The following GRIP1 variants were observed in gnomAD, a reference collection of about 807,000 sequenced individuals.
The protein encoded by GRIP1 is glutamate receptor-interacting protein 1.
A neutral mutation model predicts 129.9 loss-of-function variants in GRIP1; 45 were observed. The ratio of observed to expected loss-of-function variants is 0.35; its 90% CI spans 0.27 to 0.44. The LOEUF is 0.44. GRIP1 is among the 20% of genes least tolerant of loss of function. GRIP1 has a pLI of 1.00. For synonymous variants in GRIP1, 530 were observed against 520.8 expected, an observed-to-expected ratio of 1.02 and a Z score of -0.24; for missense variants, 1,196 against 1,396.8, an observed-to-expected ratio of 0.86 and a Z score of 2.29.
chr12:66,434,950 C>A (rs1380276666), intron 13 of GRIP1, among the ~76,000 whole-genome samples: 1 of 152,194 alleles, frequency 6.6e-6, no homozygotes, highest in Non-Finnish European at 1.5e-5. Flanking sequence ...GATTGCGCTT[C>A]CAGTGAATGC....
intron 19 of GRIP1, among the ~76,000 whole-genome samples, chr12:66,381,283 A>G (rs2056097871): frequency 6.6e-6 from 1 of 152,236 alleles, no homozygotes; most frequent in African/African-American, 2.4e-5. Flanking sequence ...AAGTGTGGTT[A>G]GCCATCTGGG....
At chr12:66,697,364 C>A (rs1159999735) in intron 1 of GRIP1, among the ~76,000 whole-genome samples, 3 of 152,144 alleles carry the variant, frequency 2.0e-5, no homozygotes, top group Admixed American at 6.5e-5. Context: ...TTCCAGACTT[C>A]CTTAGAGAGA....
chr12:66,572,372 A>G (rs1438804947), intron 2 of GRIP1, among the ~76,000 whole-genome samples: 1 of 152,160 alleles, frequency 6.6e-6, no homozygotes. Context: ...TTTCCTTAGG[A>G]AGAAACAAAC....
intron 1 of GRIP1, among the ~76,000 whole-genome samples, chr12:67,006,137 A>G (rs889840051): frequency 2.0e-5 from 3 of 152,180 alleles, no homozygotes; most frequent in Non-Finnish European, 4.4e-5. Context: ...GTAAATAAAT[A>G]TATAGGGAAA....
intron 1 of GRIP1, among the ~76,000 whole-genome samples, chr12:66,761,324 C>T (rs2037468778): frequency 6.6e-6 from 1 of 152,116 alleles, no homozygotes; most frequent in African/African-American, 2.4e-5. Context: ...CAAGCCCACA[C>T]ATCTGCCATG....
In GRIP1 at chr12:66,419,308, T is replaced by TG. The variant is rs541932551; in HGVS notation, c.1838+1411dup. ...GGTTACCAGAGGCTAGGAAGGGTAGTGGGGGGGTCAGCGTGGGGAAAGTAG... is the reference window on the plus strand; with the variant it reads ...GGTTACCAGAGGCTAGGAAGGGTAGTGGGGGGGGTCAGCGTGGGGAAAGTAG... On this transcript the variant is annotated intron_variant, in intron 15 of 24. Transcript: ENST00000359742. 1.6e-3 allele frequency among the ~76,000 whole-genome samples: 244 copies of TG among 151,616 alleles called. 1 individual carries two copies. Among genetic ancestry groups the TG allele is most frequent in the African/African-American group, 5.7e-3 (235 of 41,330 alleles).
rs188722519 is a variant in GRIP1, at chr12:67,029,908, A to T, written c.58+39142T>A. On this transcript the variant is annotated intron_variant, in intron 1 of 1. Coordinates refer to the GRIP1 transcript ENST00000643019. Reference sequence around the variant, plus strand: ...ACTAATGTCCAATAAAAATAATATTAAAAAAAATCGGCCTGGCGCGGTGGC... The same window carrying T: ...ACTAATGTCCAATAAAAATAATATTTAAAAAAATCGGCCTGGCGCGGTGGC... Among the ~76,000 whole-genome samples the T allele has an allele frequency of 2.4e-3, 372 of 151,864 alleles. 1 individual carries two copies. Among genetic ancestry groups the T allele is most frequent in the African/African-American group, 7.4e-3 (308 of 41,476 alleles).
intron 1 of GRIP1, among the ~76,000 whole-genome samples, chr12:66,988,118 CA>C (rs1027823094): frequency 1.3e-5 from 2 of 152,150 alleles, no homozygotes; most frequent in Admixed American, 6.5e-5. Flanking sequence ...GCAAATTCTT[CA>C]AATCAATAAG....
chr12:66,810,441 C>T (rs2039081474), intron 1 of GRIP1, among the ~76,000 whole-genome samples: 1 of 152,062 alleles, frequency 6.6e-6, no homozygotes, highest in Admixed American at 6.6e-5. Context: ...GCCTGTAATC[C>T]CAGCTACTCG....
intron 1 of GRIP1, among the ~76,000 whole-genome samples, chr12:66,724,006 T>C (rs1412879546): frequency 6.6e-6 from 1 of 152,182 alleles, no homozygotes; most frequent in Non-Finnish European, 1.5e-5. Flanking sequence ...ATCATGCCCT[T>C]GTGCCATAAC....
At chr12:66,748,439 G>A (rs766177968) in intron 1 of GRIP1, among the ~76,000 whole-genome samples, 13 of 152,120 alleles carry the variant, frequency 8.5e-5, no homozygotes, top group Admixed American at 3.9e-4. Flanking sequence ...TGTAAAATAA[G>A]GGTAATAGTA....
intron 1 of GRIP1, among the ~76,000 whole-genome samples, chr12:66,926,466 G>C (rs534646955): frequency 5.3e-4 from 80 of 152,272 alleles, no homozygotes; most frequent in African/African-American, 1.9e-3. Flanking sequence ...GTGAAGCTGA[G>C]AAACCTGAGT....
chr12:66,679,124 C>A, upstream of GRIP1: 1 of 1,447,590 alleles, frequency 6.9e-7, no homozygotes, highest in Non-Finnish European at 9.1e-7. Context: ...CCTGCCACAG[C>A]CTCCTCCCCC....
At position 66,394,517 on chromosome 12, in the gene GRIP1, C is replaced by A. The variant is rs578229167; in HGVS notation, c.1985-165G>T. 2.6e-5 allele frequency among the ~76,000 whole-genome samples: 4 copies of A among 152,308 alleles called. No individual in the cohort carries two copies. In the South Asian group the frequency reaches 6.2e-4, roughly 24 times the overall value. On this transcript the variant is annotated intron_variant, in intron 16 of 24. Transcript: ENST00000359742. ...CATTTCCTTAGTAGGATCTTACATTCAAATACAGGGATATAATCATTGTCA... is the reference window on the plus strand; with the variant it reads ...CATTTCCTTAGTAGGATCTTACATTAAAATACAGGGATATAATCATTGTCA...
chr12:67,052,717 G>A (rs1037078780), intron 1 of GRIP1, among the ~76,000 whole-genome samples: 15 of 129,564 alleles, frequency 1.2e-4, no homozygotes, highest in African/African-American at 3.7e-4. Context: ...CCAAGATCAC[G>A]CCACTGCACT....
At chr12:66,758,351 G>A (rs576395710) in intron 1 of GRIP1, among the ~76,000 whole-genome samples, 45 of 152,234 alleles carry the variant, frequency 3.0e-4, no homozygotes, top group South Asian at 2.7e-3. Flanking sequence ...AGAATAGCAT[G>A]GGAAAGACTG....
intron 13 of GRIP1, among the ~76,000 whole-genome samples, chr12:66,434,327 A>C (rs1165361150): frequency 6.6e-6 from 1 of 152,158 alleles, no homozygotes; most frequent in African/African-American, 2.4e-5. Flanking sequence ...TGAGGCAATC[A>C]GCTGCCTTTC....
chr12:66,389,032 G>A (rs1256265237), intron 19 of GRIP1, among the ~76,000 whole-genome samples: 1 of 152,152 alleles, frequency 6.6e-6, no homozygotes, highest in African/African-American at 2.4e-5. Flanking sequence ...GGAGGAAGAT[G>A]TGCATTATGG....
intron 2 of GRIP1, among the ~76,000 whole-genome samples, chr12:66,588,356 T>A (rs2139686688): frequency 6.6e-6 from 1 of 152,230 alleles, no homozygotes; most frequent in Non-Finnish European, 1.5e-5. Context: ...CCCAAGCCAT[T>A]ACTCATTAAC....
Sources: gnomAD v4.1 joint callset for allele counts (sites outside exome capture counted in the v4.1 genomes callset) on GRCh38, gnomAD v4.1.1 for gene constraint, MANE v1.5 for transcripts, NCBI Gene and HGNC (gene_info 2026-07-23, HGNC 2026-07-21) for gene names.